The following EIF4ENIF1 variants were observed in gnomAD, a reference collection of about 807,000 sequenced individuals.
EIF4ENIF1 encodes the protein eukaryotic translation initiation factor 4E transporter.
A neutral mutation model predicts 110.5 loss-of-function variants in EIF4ENIF1; 23 were observed. That is an observed-to-expected ratio of 0.21 (90% CI 0.15 to 0.29). EIF4ENIF1 has a LOEUF of 0.29. Ranked by LOEUF, EIF4ENIF1 falls within the 10% of genes least tolerant of loss-of-function variation. The probability of loss-of-function intolerance (pLI) is 1.00; values close to 1 mark genes in which losing one functional copy is unlikely to be tolerated. For synonymous variants in EIF4ENIF1, 440 were observed against 437.0 expected, an observed-to-expected ratio of 1.01 and a Z score of -0.09; for missense variants, 1,031 against 1,221.1, an observed-to-expected ratio of 0.84 and a Z score of 2.32.
intron 2 of EIF4ENIF1, among the ~76,000 whole-genome samples, chr22:31,474,204 T>C (rs763114075): frequency 1.3e-5 from 2 of 152,040 alleles, no homozygotes; most frequent in African/African-American, 2.4e-5. Flanking sequence ...ACTACAGGCA[T>C]GCACCACCAT....
At chr22:31,461,666 C>CA (rs1378382663) in intron 6 of EIF4ENIF1, 11 of 152,272 alleles carry the variant, frequency 7.2e-5, no homozygotes, top group African/African-American at 2.7e-4. Flanking sequence ...CTCCTGACCT[C>CA]AAATGATCCA....
intron 10 of EIF4ENIF1, 45 bp downstream of exon 10, chr22:31,454,098 GA>G (rs747654808): frequency 8.7e-5 from 131 of 1,508,020 alleles, no homozygotes; most frequent in Admixed American, 1.7e-4. Context: ...GGAAAAAGAA[GA>G]AAAAAAAAGG....
intron 2 of EIF4ENIF1, among the ~76,000 whole-genome samples, chr22:31,472,830 A>G (rs1308551121): frequency 6.6e-6 from 1 of 152,150 alleles, no homozygotes; most frequent in Non-Finnish European, 1.5e-5. Context: ...GGAGACATTT[A>G]AAGTCCTCCC....
intron 10 of EIF4ENIF1, 118 bp from the exon 11 acceptor site, chr22:31,450,478 C>A: frequency 1.4e-6 from 1 of 736,834 alleles, no homozygotes; most frequent in East Asian, 2.9e-5. Context: ...GAATGATACT[C>A]AAGTCACAGA....
chr22:31,444,482 C>T (rs2050399612), intron 15 of EIF4ENIF1, 124 bp downstream of exon 15: 1 of 900,834 alleles, frequency 1.1e-6, no homozygotes, highest in Admixed American at 1.8e-5. Context: ...TTATGAAAAA[C>T]TACTAGGTCA....
At position 31,464,033 on chromosome 22, in the gene EIF4ENIF1, G is replaced by T. The variant is rs1299510519; in HGVS notation, c.299-66C>A. On this transcript the variant is annotated intron_variant, in intron 4 of 18. Transcript: ENST00000330125. ...AGGGTGTTTTCTTCTTTTTTAGATA[G>T]TATGTCCATGACTGATGGGAGGAAG... The T allele has an allele frequency of 2.6e-6, 4 of 1,539,748 alleles. No individual in the cohort carries two copies. The African/African-American group carries it at 5.4e-5, about 21-fold the overall frequency.
intron 2 of EIF4ENIF1, among the ~76,000 whole-genome samples, chr22:31,477,458 T>C (rs561477642): frequency 6.6e-6 from 1 of 151,838 alleles, no homozygotes; most frequent in Non-Finnish European, 1.5e-5. Flanking sequence ...CCTCTTAGAG[T>C]TATTGCTCTA....
Position 31,447,344 on chromosome 22 carries a change from G to GA in EIF4ENIF1, c.1988+81dup. The GA allele has an allele frequency of 2.6e-6, 4 of 1,546,458 alleles. 1 individual carries two copies. In the South Asian group the frequency reaches 4.6e-5, roughly 18 times the overall value. ...TGAACATACCACAGTATGTACAACA[G>GA]AATTATACTGCAGATAAGTAATTTA... On this transcript the variant is annotated intron_variant, in intron 14 of 18. Transcript: ENST00000330125.
intron 2 of EIF4ENIF1, among the ~76,000 whole-genome samples, chr22:31,483,084 T>C (rs1351392690): frequency 2.0e-5 from 3 of 149,964 alleles, no homozygotes; most frequent in African/African-American, 7.4e-5. Flanking sequence ...CTAAAACATT[T>C]CTATTTTGTA....
At chr22:31,445,481 G>T (rs906196382) in intron 14 of EIF4ENIF1, among the ~76,000 whole-genome samples, 1 of 152,150 alleles carries the variant, frequency 6.6e-6, no homozygotes, top group Non-Finnish European at 1.5e-5. Context: ...TGCTGTGACT[G>T]TGTGTATGAC....
intron 2 of EIF4ENIF1, among the ~76,000 whole-genome samples, chr22:31,480,154 T>C (rs982690138): frequency 2.0e-5 from 3 of 152,196 alleles, no homozygotes; most frequent in African/African-American, 7.2e-5. Context: ...AAGCTGCTAA[T>C]TGCCCAAGAG....
intron 2 of EIF4ENIF1, among the ~76,000 whole-genome samples, chr22:31,480,009 G>GC (rs1470856773): frequency 1.3e-5 from 2 of 152,142 alleles, no homozygotes; most frequent in Admixed American, 1.3e-4. Context: ...ACTGTGCCTA[G>GC]CCTGGAAAGT....
chr22:31,462,289 C>T (rs2051020509), intron 6 of EIF4ENIF1, among the ~76,000 whole-genome samples: 1 of 152,028 alleles, frequency 6.6e-6, no homozygotes, highest in Admixed American at 6.6e-5. Flanking sequence ...CGAGACCAGC[C>T]TGGGCAACAT....
intron 2 of EIF4ENIF1, among the ~76,000 whole-genome samples, chr22:31,486,608 G>A (rs551831467): frequency 6.6e-5 from 10 of 150,900 alleles, no homozygotes; most frequent in East Asian, 4.0e-4. Flanking sequence ...GCAAGATCCC[G>A]TCTCCACTAA....
At chr22:31,441,574 G>GAAAAAAAAAAAAAAAAAAAAAAA (rs2050299827) in intron 17 of EIF4ENIF1, among the ~76,000 whole-genome samples, 200 bp downstream of exon 17, 1 of 89,862 alleles carries the variant, frequency 1.1e-5, no homozygotes. Context: ...AAAAAAAAAA[G>GAAAAAAAAAAAAAAAAAAAAAAA]AATCTTCAAG....
At chr22:31,488,935 G>A (rs2052149615) in intron 1 of EIF4ENIF1, among the ~76,000 whole-genome samples, 190 bp from the exon 2 acceptor site, 1 of 152,182 alleles carries the variant, frequency 6.6e-6, no homozygotes, top group African/African-American at 2.4e-5. Flanking sequence ...CTCTTTCCTA[G>A]TATCCTAAGC....
chr22:31,484,147 C>T (rs1166414881), intron 2 of EIF4ENIF1, among the ~76,000 whole-genome samples: 2 of 152,164 alleles, frequency 1.3e-5, no homozygotes, highest in Admixed American at 1.3e-4. Context: ...GCAGCATGTG[C>T]ACCACTTGGG....
intron 6 of EIF4ENIF1, among the ~76,000 whole-genome samples, chr22:31,460,969 A>C (rs2050974616): frequency 6.6e-6 from 1 of 151,192 alleles, no homozygotes; most frequent in South Asian, 2.1e-4. Context: ...AACAAAAAAC[A>C]AAAAAAAAGG....
chr22:31,460,979 G>T (rs1217937661), intron 6 of EIF4ENIF1, among the ~76,000 whole-genome samples: 2 of 152,036 alleles, frequency 1.3e-5, no homozygotes, highest in African/African-American at 2.4e-5. Flanking sequence ...AAAAAAAAAG[G>T]CTTTCCCCTT....
Sources: allele counts gnomAD v4.1 joint callset (sites outside exome capture counted in the v4.1 genomes callset), GRCh38; gene constraint gnomAD v4.1.1; transcripts MANE v1.5; gene names NCBI Gene and HGNC (gene_info 2026-07-23, HGNC 2026-07-21).